The following ZNF483 variants were observed in gnomAD, a reference collection of about 807,000 sequenced individuals.
ZNF483 encodes the protein zinc finger protein 483, also known as zinc finger protein HIT-10.
A neutral mutation model predicts 28.6 loss-of-function variants in ZNF483; 9 were observed. The ratio of observed to expected loss-of-function variants is 0.32; its 90% CI spans 0.19 to 0.55. ZNF483 has a LOEUF of 0.55. ZNF483 is among the 20% of genes least tolerant of loss of function. The pLI is 0.93. For synonymous variants in ZNF483, 322 were observed against 306.2 expected, an observed-to-expected ratio of 1.05 and a Z score of -0.54; for missense variants, 675 against 871.7, an observed-to-expected ratio of 0.77 and a Z score of 2.84.
intron 1 of ZNF483, 108 bp downstream of exon 1, chr9:111,525,370 G>A (rs1243678586): frequency 6.6e-6 from 1 of 152,284 alleles, no homozygotes; most frequent in Admixed American, 6.5e-5. Flanking sequence ...AACGGGCTGT[G>A]CGCTGCGCTG....
At chr9:111,525,740 C>T (rs1172631032) in intron 1 of ZNF483, among the ~76,000 whole-genome samples, 1 of 152,116 alleles carries the variant, frequency 6.6e-6, no homozygotes, top group Non-Finnish European at 1.5e-5. Flanking sequence ...TCCCTGTAGA[C>T]GGAGCCGAGT....
In ZNF483 at chr9:111,546,465, G is replaced by C. The variant is rs186410602; in HGVS notation, c.*3295G>C. 2.6e-5 allele frequency among the ~76,000 whole-genome samples: 4 copies of C among 152,254 alleles called. No individual in the cohort carries two copies. Among genetic ancestry groups the C allele is most frequent in the African/African-American group, 7.2e-5 (3 of 41,570 alleles). On this transcript the variant is annotated 3_prime_UTR_variant, in exon 6 of 6. Coordinates refer to ENST00000309235, the MANE Select transcript of ZNF483 (RefSeq NM_133464.5). ...TTAAATTCACTTTTGGATTAAGTCA[G>C]ATTATCAAAAGGCTTTAAACGTCTT...
chr9:111,528,978 T>G (rs1430523042), intron 2 of ZNF483, among the ~76,000 whole-genome samples: 1 of 152,086 alleles, frequency 6.6e-6, no homozygotes, highest in Non-Finnish European at 1.5e-5. Flanking sequence ...AAACCCCGTC[T>G]CTACAAAAAT....
Position 111,527,858 on chromosome 9 carries a change from G to A in ZNF483, c.412+51G>A, listed in dbSNP as rs74371910. ...AGCGGGAGACATTGCCTCAAAGTCCGAAAGTAAATTCCTCAAAAGAAGGCA... is the reference window on the plus strand; with the variant it reads ...AGCGGGAGACATTGCCTCAAAGTCCAAAAGTAAATTCCTCAAAAGAAGGCA... On this transcript the variant is annotated intron_variant, in intron 2 of 5. Transcript: ENST00000309235. The A allele has an allele frequency of 7.3e-4, 1,180 of 1,613,820 alleles. 12 individuals carry two copies. In the East Asian group the frequency reaches 0.024, roughly 32 times the overall value.
intron 1 of ZNF483, 140 bp from the exon 2 acceptor site, chr9:111,527,128 C>T: frequency 3.7e-6 from 1 of 266,678 alleles, no homozygotes; most frequent in South Asian, 9.9e-5. Flanking sequence ...GAAAGTTATC[C>T]TTTTAATTGA....
chr9:111,532,203 G>A (rs900707972), intron 3 of ZNF483, among the ~76,000 whole-genome samples: 3 of 152,028 alleles, frequency 2.0e-5, no homozygotes, highest in Non-Finnish European at 4.4e-5. Flanking sequence ...CAGCTACCCG[G>A]GATCTGAGGT....
chr9:111,566,089 G>A (rs1828548938), intron 5 of ZNF483, among the ~76,000 whole-genome samples: 1 of 152,068 alleles, frequency 6.6e-6, no homozygotes. Flanking sequence ...TGTAATCCCA[G>A]CTACTTGGGA....
rs1012944028 is a variant in ZNF483 at position 111,544,347 on chromosome 9, CATGT to C, written c.*1178_*1181del. On this transcript the variant is annotated 3_prime_UTR_variant, in exon 6 of 6. Coordinates refer to ENST00000309235, the MANE Select transcript of ZNF483 (RefSeq NM_133464.5). ...ATAACAATTTGCTTGGGTGTGTGTG[CATGT>C]GTGTGTGTGTGTGTGTGTGTGTATA... 5.0e-4 allele frequency: 419 copies of C among 845,974 alleles called. No individual in the cohort carries two copies. The highest frequency in any genetic ancestry group is 8.2e-4 in the South Asian group (15 of 18,288). 52.4% of individuals were successfully genotyped at this position (845,974 alleles called of 1,614,324 possible).
Position 111,545,113 on chromosome 9 carries a change from C to T in ZNF483, c.*1943C>T, listed in dbSNP as rs1345326829. 2.0e-5 allele frequency among the ~76,000 whole-genome samples: 3 copies of T among 152,096 alleles called. No homozygotes were observed. Among genetic ancestry groups the T allele is most frequent in the African/African-American group, 4.8e-5 (2 of 41,422 alleles). On this transcript the variant is annotated 3_prime_UTR_variant, in exon 6 of 6. Coordinates refer to ENST00000309235, the MANE Select transcript of ZNF483 (RefSeq NM_133464.5). ...CCCAAGCCTGCAGTTTAAATATTGC[C>T]GTGTGATAAATTGGTCCGCATAGTT... is the stretch of plus-strand genomic sequence containing the variant.
intron 5 of ZNF483, among the ~76,000 whole-genome samples, chr9:111,539,199 TCAC>T: frequency 6.7e-6 from 1 of 148,956 alleles, no homozygotes; most frequent in Non-Finnish European, 1.5e-5. Context: ...CTTGAATGGA[TCAC>T]CAACAAAATT....
chr9:111,538,004 AGT>A (rs1208038673), intron 5 of ZNF483, among the ~76,000 whole-genome samples: 1 of 152,030 alleles, frequency 6.6e-6, no homozygotes, highest in East Asian at 1.9e-4. Context: ...ACGGCCTGTA[AGT>A]GTGTGTGTAC....
chr9:111,543,165 G>C lies in ZNF483; in HGVS notation c.2230G>C (p.Glu744Gln), dbSNP rs749034752. 3.0e-5 allele frequency: 48 copies of C among 1,597,430 alleles called. No homozygotes were observed. The highest frequency in any genetic ancestry group is 6.0e-6 in the Non-Finnish European group (7 of 1,172,306). The change falls in exon 6 of 6, where the codon GAG becomes CAG. Residue 744 changes from glutamate to glutamine, a missense_variant. Coordinates refer to ENST00000309235, the MANE Select transcript of ZNF483 (RefSeq NM_133464.5). ...TAGACATCGGGGATTTCACTCTGCAGAGTAATCCTGGAACTACATTAAAGT... is the reference window on the plus strand; with the variant it reads ...TAGACATCGGGGATTTCACTCTGCACAGTAATCCTGGAACTACATTAAAGT... Reference protein sequence around the residue: ...LIRHRGFHSAE With the variant: ...LIRHRGFHSAQ
chr9:111,534,579 T>G (rs1036833487), intron 5 of ZNF483, among the ~76,000 whole-genome samples: 13 of 152,042 alleles, frequency 8.6e-5, no homozygotes, highest in Non-Finnish European at 7.4e-5. Flanking sequence ...GGAGAAAGAT[T>G]CAGTGAAGGA....
Position 111,545,192 on chromosome 9 carries a change from T to C in ZNF483, c.*2022T>C, listed in dbSNP as rs1193603284. 1.3e-5 allele frequency among the ~76,000 whole-genome samples: 2 copies of C among 152,224 alleles called. No homozygotes were observed. Among genetic ancestry groups the C allele is most frequent in the African/African-American group, 4.8e-5 (2 of 41,456 alleles). ...CTAGCCATGAAAGGAATGTTTATTA[T>C]GAGAATCATTCATAATGGTTTTAAG... On this transcript the variant is annotated 3_prime_UTR_variant, in exon 6 of 6. Coordinates refer to ENST00000309235, the MANE Select transcript of ZNF483 (RefSeq NM_133464.5).
Position 111,544,347 on chromosome 9 carries a change from CATGTGTGTGT to C in ZNF483, c.*1178_*1187del, listed in dbSNP as rs1827755393. ...ATAACAATTTGCTTGGGTGTGTGTGCATGTGTGTGTGTGTGTGTGTGTGTGTATACATTGT... is the reference window on the plus strand; with the variant it reads ...ATAACAATTTGCTTGGGTGTGTGTGCGTGTGTGTGTGTGTGTATACATTGT... On this transcript the variant is annotated 3_prime_UTR_variant, in exon 6 of 6. Coordinates refer to ENST00000309235, the MANE Select transcript of ZNF483 (RefSeq NM_133464.5). 2.1e-5 allele frequency: 18 copies of C among 850,972 alleles called. No homozygotes were observed. Among genetic ancestry groups the C allele is most frequent in the Non-Finnish European group, 2.5e-5 (18 of 728,072 alleles). 52.7% of individuals were successfully genotyped at this position (850,972 alleles called of 1,614,324 possible).
chr9:111,562,448 G>T (rs1425628577), intron 5 of ZNF483: 1 of 151,724 alleles, frequency 6.6e-6, no homozygotes, highest in Non-Finnish European at 1.5e-5. Flanking sequence ...GCTAATTTTT[G>T]TATTTTCAGT....
intron 2 of ZNF483, among the ~76,000 whole-genome samples, chr9:111,529,244 A>G (rs750694438): frequency 1.3e-5 from 2 of 152,090 alleles, no homozygotes; most frequent in African/African-American, 4.8e-5. Flanking sequence ...ATTTTTATTG[A>G]TTGTCTAATC....
rs1424423641 is a variant in ZNF483 at position 111,545,037 on chromosome 9, TGTAG to T, written c.*1870_*1873del. On this transcript the variant is annotated 3_prime_UTR_variant, in exon 6 of 6. Transcript: ENST00000309235. ...AGGAACATTTACTGTGACTAATGTA[TGTAG>T]GTGTGAAATGCTACCTCTGGGAGAA... Among the ~76,000 whole-genome samples the T allele has an allele frequency of 2.0e-5, 3 of 152,220 alleles. No individual in the cohort carries two copies. Among genetic ancestry groups the T allele is most frequent in the Non-Finnish European group, 2.9e-5 (2 of 68,044 alleles).
rs1279787560 is a variant in ZNF483, at chr9:111,544,931, C to T, written c.*1761C>T. 6.6e-6 allele frequency among the ~76,000 whole-genome samples: 1 copy of T among 152,084 alleles called. No homozygotes were observed. Among genetic ancestry groups the T allele is most frequent in the Non-Finnish European group, 1.5e-5 (1 of 68,002 alleles). ...AAGTTCCTAAAGTTGAAATTGTGGGCACCTCCTATAAAAAGAGAGCTAAAC... is the reference window on the plus strand; with the variant it reads ...AAGTTCCTAAAGTTGAAATTGTGGGTACCTCCTATAAAAAGAGAGCTAAAC... On this transcript the variant is annotated 3_prime_UTR_variant, in exon 6 of 6. Coordinates refer to ENST00000309235, the MANE Select transcript of ZNF483 (RefSeq NM_133464.5).
Sources: gnomAD v4.1 joint callset for allele counts (sites outside exome capture counted in the v4.1 genomes callset) on GRCh38, gnomAD v4.1.1 for gene constraint, MANE v1.5 for transcripts, NCBI Gene and HGNC (gene_info 2026-07-23, HGNC 2026-07-21) for gene names.